LY75: variants seen among roughly 807,000 people sequenced by gnomAD.
LY75 encodes C-type lectin domain family 13 member B.
A neutral mutation model predicts 231.7 loss-of-function variants in LY75; 185 were observed. The ratio of observed to expected loss-of-function variants is 0.80; its 90% CI spans 0.71 to 0.90. The LOEUF (loss-of-function observed/expected upper bound fraction) is 0.90, where lower values mean the gene tolerates loss of function less well. Among genes scored for constraint, LY75 ranks in the 40% least tolerant of loss-of-function variants. The pLI, the probability that LY75 is intolerant of heterozygous loss-of-function variation, is 0.00. For synonymous variants in LY75, 668 were observed against 689.0 expected (o/e 0.97, Z 0.48); for missense variants, 1,947 against 2,050.2 (o/e 0.95, Z 0.97).
At position 159,902,203 on chromosome 2, in the gene LY75, C is replaced by A. The variant is rs571037702; in HGVS notation, c.94+2386G>T. Among the ~76,000 whole-genome samples the A allele has an allele frequency of 2.6e-5, 4 of 152,254 alleles. No individual in the cohort carries two copies. The South Asian group carries it at 8.3e-4, about 32-fold the overall frequency. On this transcript the variant is annotated intron_variant, in intron 1 of 34. Transcript: ENST00000263636. ...CACTTTACAACTTTATACCAGTCCT[C>A]AATGGAGTTTTAATATTTACCTCCA...
chr2:159,856,455 ACTT>A (rs897744973), intron 16 of LY75, among the ~76,000 whole-genome samples: 3 of 152,174 alleles, frequency 2.0e-5, no homozygotes, highest in African/African-American at 7.2e-5. Flanking sequence ...TAAGAGGAAA[ACTT>A]CTTTAAGAAA....
At chr2:159,843,199 T>C (rs1425702203) in intron 23 of LY75, among the ~76,000 whole-genome samples, 1 of 151,998 alleles carries the variant, frequency 6.6e-6, no homozygotes, top group African/African-American at 2.4e-5. Context: ...GTAGAAATAG[T>C]ATTTATAACA....
intron 23 of LY75, among the ~76,000 whole-genome samples, chr2:159,843,720 CA>C (rs1436722293): frequency 2.6e-5 from 4 of 152,038 alleles, no homozygotes; most frequent in African/African-American, 9.7e-5. Context: ...ACTGCTGCAC[CA>C]AATTCCTTTA....
chr2:159,871,705 A>G (rs1685016434), intron 13 of LY75: 1 of 152,102 alleles, frequency 6.6e-6, no homozygotes, highest in African/African-American at 2.4e-5. Context: ...GTGGTGGCTA[A>G]TGCCTGTAAT....
At chr2:159,849,687 A>G (rs1481333550) in intron 23 of LY75, among the ~76,000 whole-genome samples, 1 of 152,164 alleles carries the variant, frequency 6.6e-6, no homozygotes, top group Non-Finnish European at 1.5e-5. Flanking sequence ...TTTAAAGTAC[A>G]TATTCAATAG....
intron 12 of LY75, among the ~76,000 whole-genome samples, chr2:159,874,980 T>C (rs965095393): frequency 7.1e-6 from 1 of 140,676 alleles, no homozygotes; most frequent in Admixed American, 7.3e-5. Flanking sequence ...ATATATATTG[T>C]AAATATGTTT....
chr2:159,810,533 TGA>T lies in LY75; in HGVS notation c.4690_4691del (p.Ser1564LysfsTer3). 6.2e-7 allele frequency: 1 copy of T among 1,612,216 alleles called. No homozygotes were observed. The highest frequency in any genetic ancestry group is 8.5e-7 in the Non-Finnish European group (1 of 1,179,494). On this transcript the variant is annotated frameshift_variant, in exon 32 of 35. Coordinates refer to ENST00000263636, the MANE Select transcript of LY75 (RefSeq NM_002349.4). LOFTEE classifies it high-confidence loss of function. Reference protein sequence around the residue: ...HSFSEAKKLCSKHDHSATIVS... With the variant: ...HSFSEAKKLCXKHDHSATIVS... Reference sequence around the variant, plus strand: ...CAACAAATTTTAACTCACCATGTTTTGAACACAATTTTTTGGCCTCTGAAAAA... The same window carrying T: ...CAACAAATTTTAACTCACCATGTTTTACACAATTTTTTGGCCTCTGAAAAA...
At position 159,886,424 on chromosome 2, in the gene LY75, A is replaced by T. The variant is rs1322270115; in HGVS notation, c.909T>A (p.Asp303Glu). Residue 303 changes from aspartate (D) to glutamate (E), a missense_variant, in exon 5 of 35, where the codon GAT (aspartate) becomes GAA (glutamate). Physicochemically the swap from Asp to Glu is conservative, Grantham distance 45. Coordinates refer to ENST00000263636, the MANE Select transcript of LY75 (RefSeq NM_002349.4). ...DHKPLNFLNW[D>E]PDRPSAPTIG... is the part of the protein sequence containing the mutation. ...GGGTAGGGAAAGAGCAGTTACCTGG[A>T]TCCCAGTTGAGAAAGTTTAATGGTT... The T allele has an allele frequency of 1.2e-6, 2 of 1,605,406 alleles. No homozygotes were observed. The highest frequency in any genetic ancestry group is 1.7e-6 in the Non-Finnish European group (2 of 1,175,162).
Position 159,849,882 on chromosome 2 carries a change from T to C in LY75, c.3150+98A>G. ...GCCTATTCTGGACATTTCATACAAA[T>C]GGAATAATACAGTGGGGTTTTGCTT... On this transcript the variant is annotated intron_variant, in intron 23 of 34. Coordinates refer to ENST00000263636, the MANE Select transcript of LY75 (RefSeq NM_002349.4). 8.3e-6 allele frequency: 12 copies of C among 1,449,862 alleles called. No individual in the cohort carries two copies. The South Asian group carries it at 1.7e-4, about 20-fold the overall frequency. 89.8% of individuals were successfully genotyped at this position (1,449,862 alleles called of 1,614,324 possible).
chr2:159,884,122 C>T (rs1685516724), intron 6 of LY75, among the ~76,000 whole-genome samples: 1 of 152,168 alleles, frequency 6.6e-6, no homozygotes, highest in Admixed American at 6.5e-5. Context: ...TTTTCCTTCA[C>T]AAGCTCTCTT....
At chr2:159,826,716 G>A (rs1159160317) in intron 28 of LY75, among the ~76,000 whole-genome samples, 1 of 152,104 alleles carries the variant, frequency 6.6e-6, no homozygotes, top group Admixed American at 6.5e-5. Context: ...ATACTATGAG[G>A]CTACAGTAAC....
chr2:159,804,813 T>C lies in LY75; in HGVS notation c.*231A>G, dbSNP rs1682747443. The stretch of plus-strand genomic sequence containing the variant: ...ATTAAACATATTACTGTACAAACAA[T>C]TTGGACTTCAGTTCCAGCTTTGGAG... On this transcript the variant is annotated 3_prime_UTR_variant, in exon 35 of 35. Coordinates refer to ENST00000263636, the MANE Select transcript of LY75 (RefSeq NM_002349.4). The C allele has an allele frequency of 2.8e-6, 1 of 358,250 alleles. No homozygotes were observed. The highest frequency in any genetic ancestry group is 4.1e-5 in the South Asian group (1 of 24,612). The allele number at this position is 358,250 out of a possible 1,614,324, so 22.2% of individuals were successfully genotyped here. A position where few individuals can be genotyped will look rare whatever the true frequency, so the allele number is the denominator to read the frequency against.
chr2:159,832,583 C>T (rs1683696364), intron 27 of LY75, among the ~76,000 whole-genome samples: 1 of 151,714 alleles, frequency 6.6e-6, no homozygotes, highest in Non-Finnish European at 1.5e-5. Context: ...ACAAAATTAA[C>T]AAGGAAGTTT....
Position 159,864,913 on chromosome 2 carries a change from G to C in LY75, c.2125C>G (p.His709Asp). 2 of 1,599,150 alleles carry C rather than the reference G, an allele frequency of 1.3e-6. No homozygotes were observed. The change falls in exon 14 of 35, where the codon CAT (histidine) becomes GAT (aspartate). Residue 709 changes from histidine (H) to aspartate (D), a missense_variant. His to Asp is a moderately conservative substitution (Grantham distance 81). Coordinates refer to ENST00000263636, the MANE Select transcript of LY75 (RefSeq NM_002349.4). The part of the protein sequence containing the change: ...HFLTDQFSGQ[H>D]WLWIGLNKRS... ...TTATTCAAACCAATCCACAGCCAAT[G>C]CTGGCCACTATGTAAAAAGCAAGTG... is the stretch of plus-strand genomic sequence containing the variant.
chr2:159,845,675 G>A (rs991850898), intron 23 of LY75, among the ~76,000 whole-genome samples: 2 of 151,412 alleles, frequency 1.3e-5, no homozygotes, highest in South Asian at 2.1e-4. Flanking sequence ...GATGATTTAA[G>A]TATACAGGAG....
rs756534612 is a variant in LY75, at chr2:159,807,055, G to A, written c.4908C>T (p.Ser1636=). Residue 1636 remains serine (S), a synonymous_variant, in exon 34 of 35, where the codon AGC becomes AGT. Coordinates refer to ENST00000263636, the MANE Select transcript of LY75 (RefSeq NM_002349.4). ...AAGTTTCATTTGAAGCTATCAACAT[G>A]CTACATCTTCCAACACCACTCTTAC... ...NKSKSGVGRC[S]MLIASNETWK... is the part of the protein sequence containing the mutation. The A allele has an allele frequency of 5.0e-6, 8 of 1,613,832 alleles. No individual in the cohort carries two copies. In the South Asian group the frequency reaches 8.8e-5, roughly 18 times the overall value.
At chr2:159,885,403 T>C in intron 5 of LY75, 110 bp from the exon 6 acceptor site, 1 of 1,407,284 alleles carries the variant, frequency 7.1e-7, no homozygotes, top group Non-Finnish European at 9.5e-7. Context: ...GAACTCATAT[T>C]ATAGTTAAAA....
At chr2:159,844,339 A>AC (rs1487211536) in intron 23 of LY75, among the ~76,000 whole-genome samples, 5 of 151,832 alleles carry the variant, frequency 3.3e-5, no homozygotes, top group Non-Finnish European at 5.9e-5. Flanking sequence ...AAAAAAAAAA[A>AC]AAAACTATAT....
intron 26 of LY75, among the ~76,000 whole-genome samples, 171 bp from the exon 27 acceptor site, chr2:159,834,382 A>G (rs1256300745): frequency 6.6e-6 from 1 of 152,204 alleles, no homozygotes; most frequent in Non-Finnish European, 1.5e-5. Context: ...CCAGCTTTCT[A>G]TAGGAAGGAA....
Sources: allele counts gnomAD v4.1 joint callset (sites outside exome capture counted in the v4.1 genomes callset), GRCh38; gene constraint gnomAD v4.1.1; transcripts MANE v1.5; gene names NCBI Gene and HGNC (gene_info 2026-07-23, HGNC 2026-07-21).